The following GATB variants were observed in gnomAD, a reference collection of about 807,000 sequenced individuals.
The protein encoded by GATB is glutamyl-tRNA(Gln) amidotransferase subunit B, mitochondrial.
A neutral mutation model predicts 62.3 loss-of-function variants in GATB; 39 were observed. That is an observed-to-expected ratio of 0.63 (90% CI 0.48 to 0.82). The LOEUF is 0.82. Among genes scored for constraint, GATB ranks in the 40% least tolerant of loss-of-function variants. GATB has a pLI of 0.00. For synonymous variants in GATB, 276 were observed against 258.9 expected (o/e 1.07, Z -0.63); for missense variants, 670 against 684.0 (o/e 0.98, Z 0.23).
At position 151,757,580 on chromosome 4, in the gene GATB, C is replaced by T. The variant is rs547963412; in HGVS notation, c.327+1192G>A. On this transcript the variant is annotated intron_variant, in intron 2 of 12. Transcript: ENST00000263985. ...CTCTGCCTCCCAGGTTCACGCCATT[C>T]TCCTGCCTCAGCCTCCCCAGTAACT... 2.7e-5 allele frequency among the ~76,000 whole-genome samples: 4 copies of T among 147,196 alleles called. No homozygotes were observed. The South Asian group carries it at 8.6e-4, about 32-fold the overall frequency.
intron 2 of GATB, among the ~76,000 whole-genome samples, chr4:151,745,258 A>T (rs909628787): frequency 2.6e-5 from 4 of 152,232 alleles, no homozygotes; most frequent in Admixed American, 6.5e-5. Context: ...TTCCCTAATG[A>T]TGCTATCTTC....
chr4:151,686,652 G>GCCC (rs374250502), intron 10 of GATB, among the ~76,000 whole-genome samples: 142 of 70,952 alleles, frequency 2.0e-3, no homozygotes, highest in African/African-American at 7.6e-3. Flanking sequence ...TCCCCGCCCC[G>GCCC]CCCCCCCCCC....
intron 10 of GATB, among the ~76,000 whole-genome samples, chr4:151,682,668 G>A (rs1043402331): frequency 1.3e-5 from 2 of 151,910 alleles, no homozygotes; most frequent in African/African-American, 4.8e-5. Context: ...AGCAGACAAC[G>A]CTGATGCTTC....
At chr4:151,684,510 C>A (rs975677387) in intron 10 of GATB, among the ~76,000 whole-genome samples, 1 of 152,210 alleles carries the variant, frequency 6.6e-6, no homozygotes, top group Non-Finnish European at 1.5e-5. Flanking sequence ...GTGTTCCTTG[C>A]CTGGGTATCA....
intron 2 of GATB, among the ~76,000 whole-genome samples, chr4:151,747,955 A>G (rs1578939898): frequency 6.6e-6 from 1 of 152,352 alleles, no homozygotes; most frequent in East Asian, 1.9e-4. Context: ...AAAAAAATCA[A>G]GGGATGTGAA....
intron 10 of GATB, among the ~76,000 whole-genome samples, chr4:151,683,612 T>C (rs1443653037): frequency 1.3e-5 from 2 of 152,172 alleles, no homozygotes; most frequent in Non-Finnish European, 2.9e-5. Context: ...ACCTAGACAA[T>C]GTGCTCTAAA....
intron 5 of GATB, among the ~76,000 whole-genome samples, chr4:151,708,948 C>T (rs1215201294): frequency 6.6e-6 from 1 of 152,184 alleles, no homozygotes; most frequent in Non-Finnish European, 1.5e-5. Context: ...AAGAAAGAAT[C>T]ACATTTGGCA....
intron 9 of GATB, among the ~76,000 whole-genome samples, chr4:151,697,664 T>C (rs1259990283): frequency 2.7e-5 from 4 of 148,764 alleles, no homozygotes; most frequent in African/African-American, 9.8e-5. Context: ...TTTTATAATA[T>C]ATATAAATTT....
intron 2 of GATB, among the ~76,000 whole-genome samples, chr4:151,743,950 T>A (rs937662237): frequency 6.6e-6 from 1 of 152,158 alleles, no homozygotes; most frequent in African/African-American, 2.4e-5. Context: ...ACAGCAGCTT[T>A]AAAAACCCAG....
At chr4:151,714,517 TA>T (rs1738877938) in intron 5 of GATB, among the ~76,000 whole-genome samples, 1 of 152,224 alleles carries the variant, frequency 6.6e-6, no homozygotes, top group African/African-American at 2.4e-5. Context: ...GATTTGTATT[TA>T]AAAGAAACAA....
chr4:151,697,831 C>T (rs970996074), intron 9 of GATB, among the ~76,000 whole-genome samples: 22 of 148,480 alleles, frequency 1.5e-4, no homozygotes, highest in Non-Finnish European at 2.4e-4. Context: ...ACCTGGGAGG[C>T]GGAGCTTGCA....
chr4:151,727,806 G>A (rs975958630), intron 2 of GATB, among the ~76,000 whole-genome samples: 1 of 152,160 alleles, frequency 6.6e-6, no homozygotes, highest in African/African-American at 2.4e-5. Flanking sequence ...ACACATAGCA[G>A]ACACTTAGTA....
At chr4:151,706,489 T>C (rs1738718356) in intron 6 of GATB, among the ~76,000 whole-genome samples, 1 of 152,250 alleles carries the variant, frequency 6.6e-6, no homozygotes, top group South Asian at 2.1e-4. Context: ...ACTTGGCTTA[T>C]AAGGGTTTTC....
chr4:151,719,324 A>C (rs1480487309), intron 3 of GATB, 101 bp downstream of exon 3: 1 of 811,802 alleles, frequency 1.2e-6, no homozygotes, highest in Non-Finnish European at 2.0e-6. Context: ...GCTGGCTGAA[A>C]ACATGAGAGG....
intron 2 of GATB, among the ~76,000 whole-genome samples, chr4:151,727,405 TG>T (rs2126983807): frequency 6.6e-6 from 1 of 152,368 alleles, no homozygotes; most frequent in South Asian, 2.1e-4. Flanking sequence ...TGGAGGCCAA[TG>T]GCCCAACTGC....
intron 2 of GATB, among the ~76,000 whole-genome samples, chr4:151,752,469 A>T (rs1560867361): frequency 6.6e-6 from 1 of 151,700 alleles, no homozygotes; most frequent in East Asian, 1.9e-4. Context: ...TAATTTGCTT[A>T]TTTTTTTCTT....
intron 2 of GATB, among the ~76,000 whole-genome samples, chr4:151,733,076 CAAACCA>C (rs1438671375): frequency 5.9e-5 from 9 of 151,896 alleles, no homozygotes; most frequent in Admixed American, 5.9e-4. Context: ...GAAATAAGAA[CAAACCA>C]AACCCAAACC....
At position 151,716,114 on chromosome 4, in the gene GATB, C is replaced by G; in HGVS notation, c.658G>C (p.Val220Leu). ...LNRAGVGLLEVVLEPDMSCGE... is the reference protein window; with the variant it reads ...LNRAGVGLLELVLEPDMSCGE... ...CAGGACATGTCGGGCTCCAGGACCA[C>G]CTCCAGAAGGCCCACTCCTACCAAA... Residue 220 changes from valine to leucine, a missense_variant, in exon 5 of 13, where the codon GTG becomes CTG. Coordinates refer to ENST00000263985, the MANE Select transcript of GATB (RefSeq NM_004564.3). 1.9e-6 allele frequency: 3 copies of G among 1,613,714 alleles called. No homozygotes were observed. In the South Asian group the frequency reaches 3.3e-5, roughly 18 times the overall value.
intron 2 of GATB, among the ~76,000 whole-genome samples, chr4:151,757,148 A>G (rs1270783781): frequency 1.3e-5 from 2 of 152,244 alleles, no homozygotes; most frequent in Non-Finnish European, 2.9e-5. Flanking sequence ...CTCTTCTCAA[A>G]TAAACAAAAA....
Sources: gnomAD v4.1 joint callset for allele counts (sites outside exome capture counted in the v4.1 genomes callset) on GRCh38, gnomAD v4.1.1 for gene constraint, MANE v1.5 for transcripts, NCBI Gene and HGNC (gene_info 2026-07-23, HGNC 2026-07-21) for gene names.